Variants in CDHR1 observed in about 807,000 individuals in gnomAD.
CDHR1 encodes the protein cadherin related family member 1, also known as cadherin-related family member 1.
Under a neutral mutation model 72.1 loss-of-function variants are expected in CDHR1, and 61 were observed. The observed-to-expected ratio is 0.85, with a 90% CI of 0.69 to 1.05. The LOEUF (loss-of-function observed/expected upper bound fraction) is 1.05, where lower values mean the gene tolerates loss of function less well. Among genes scored for constraint, CDHR1 ranks in the 50% least tolerant of loss-of-function variants. The pLI, the probability that CDHR1 is intolerant of heterozygous loss-of-function variation, is 0.00. For synonymous variants in CDHR1, 470 were observed against 448.1 expected (o/e 1.05, Z -0.62); for missense variants, 1,186 against 1,115.7 (o/e 1.06, Z -0.90).
chr10:84,196,101 T>G (rs1459837806), intron 2 of CDHR1, among the ~76,000 whole-genome samples: 3 of 152,176 alleles, frequency 2.0e-5, no homozygotes, highest in African/African-American at 7.2e-5. Flanking sequence ...TGGTGCACTG[T>G]GGGTCACCCC....
In CDHR1 at chr10:84,218,600, C is replaced by A; in HGVS notation, c.*3979C>A. On this transcript the variant is annotated 3_prime_UTR_variant, in exon 17 of 17. Transcript: ENST00000623527. The stretch of plus-strand genomic sequence containing the variant: ...AGTCTTCATTTTAAAAGCAAGTAGC[C>A]CTGCTTACAAATGTCTCCTCAATCA... 1.0e-6 allele frequency: 1 copy of A among 985,504 alleles called. No homozygotes were observed. Among genetic ancestry groups the A allele is most frequent in the Non-Finnish European group, 1.2e-6 (1 of 830,008 alleles). The allele number at this position is 985,504 out of a possible 1,614,324, so 61.0% of individuals were successfully genotyped here.
chr10:84,195,966 G>A (rs1165890151), intron 2 of CDHR1, among the ~76,000 whole-genome samples: 2 of 152,214 alleles, frequency 1.3e-5, no homozygotes, highest in Admixed American at 6.5e-5. Flanking sequence ...AGGAGAAAGG[G>A]GAGATTTCAC....
intron 10 of CDHR1, 81 bp from the exon 11 acceptor site, chr10:84,208,093 A>T: frequency 3.2e-6 from 4 of 1,244,286 alleles, no homozygotes; most frequent in Non-Finnish European, 4.7e-6. Flanking sequence ...AGGGGATTAT[A>T]CATTCTGCAG....
At chr10:84,194,901 C>A in intron 1 of CDHR1, 86 bp downstream of exon 1, 1 of 1,273,608 alleles carries the variant, frequency 7.9e-7, no homozygotes, top group Non-Finnish European at 1.1e-6. Flanking sequence ...GGGACATGGT[C>A]CTGGACCACT....
At chr10:84,208,528 G>A in intron 11 of CDHR1, 151 bp downstream of exon 11, 1 of 1,008,858 alleles carries the variant, frequency 9.9e-7, no homozygotes, top group Non-Finnish European at 1.5e-6. Context: ...TAACCAAGGG[G>A]GAGAGGAGGG....
rs750110504 is a variant in CDHR1, at chr10:84,205,836, G to C, written c.872G>C (p.Gly291Ala). ...GCATCTCCCTTGACAGGGAACGATGGAGCCTTTGAAATTAATGAGACATCT... is the reference window on the plus strand; with the variant it reads ...GCATCTCCCTTGACAGGGAACGATGCAGCCTTTGAAATTAATGAGACATCT... ...ILYSLVNGND[G>A]AFEINETSGA... The change falls in exon 10 of 17, where the codon GGA becomes GCA. Residue 291 changes from glycine to alanine, a missense_variant. Gly to Ala is a moderately conservative substitution (Grantham distance 60, BLOSUM62 0). Transcript: ENST00000623527. 1.9e-6 allele frequency: 3 copies of C among 1,613,742 alleles called. No individual in the cohort carries two copies. Among genetic ancestry groups the C allele is most frequent in the Non-Finnish European group, 1.7e-6 (2 of 1,179,774 alleles).
chr10:84,203,826 G>A (rs75310540), intron 8 of CDHR1, among the ~76,000 whole-genome samples: 2,225 of 152,358 alleles, frequency 0.015, 57 homozygotes, highest in African/African-American at 0.05. Flanking sequence ...GGGCTGCAGG[G>A]TGGGCCAGCG....
chr10:84,210,195 G>A (rs1405782470), intron 12 of CDHR1, among the ~76,000 whole-genome samples: 2 of 152,160 alleles, frequency 1.3e-5, no homozygotes, highest in East Asian at 1.9e-4. Flanking sequence ...ACTCCTGCCT[G>A]GAAATAGAGC....
chr10:84,219,505 C>T (rs889967554), downstream of CDHR1: 3 of 545,558 alleles, frequency 5.5e-6, no homozygotes, highest in Admixed American at 1.1e-4. Context: ...CTCTCACCTT[C>T]ATGGTAGCCC....
chr10:84,212,456 C>T, intron 15 of CDHR1, 49 bp downstream of exon 15: 2 of 1,473,606 alleles, frequency 1.4e-6, no homozygotes, highest in South Asian at 1.1e-5. Context: ...GGTCCAGCAG[C>T]TCCAAGAGAT....
Position 84,213,324 on chromosome 10 carries a change from C to G in CDHR1, c.2016C>G (p.Leu672=). ...GSPSFSTTAL[L]KIDITDAETL... Reference sequence around the variant, plus strand: ...CATCCTTCAGCACCACAGCCTTACTCAAGATTGACATCACAGATGCTGAGG... The same window carrying G: ...CATCCTTCAGCACCACAGCCTTACTGAAGATTGACATCACAGATGCTGAGG... The change falls in exon 16 of 17, where the codon CTC becomes CTG. Residue 672 remains leucine (L), a synonymous_variant. Transcript: ENST00000623527. The G allele has an allele frequency of 1.9e-6, 3 of 1,614,192 alleles. No homozygotes were observed. Among genetic ancestry groups the G allele is most frequent in the Non-Finnish European group, 2.5e-6 (3 of 1,180,042 alleles).
chr10:84,196,499 T>C lies in CDHR1; in HGVS notation c.152-6T>C, dbSNP rs541710149. On this transcript the variant is annotated splice_polypyrimidine_tract_variant and splice_region_variant and intron_variant, in intron 2 of 16. Coordinates refer to ENST00000623527, the MANE Select transcript of CDHR1 (RefSeq NM_033100.4). ...TTCTATGTCTCTCCACTGTGTTTCC[T>C]TCCAGGCTCTCACGTATACACCCTG... 1.2e-6 allele frequency: 2 copies of C among 1,614,194 alleles called. No homozygotes were observed. Among genetic ancestry groups the C allele is most frequent in the African/African-American group, 2.7e-5 (2 of 75,060 alleles).
intron 4 of CDHR1, among the ~76,000 whole-genome samples, chr10:84,198,682 A>G (rs1265978660): frequency 1.3e-5 from 2 of 152,220 alleles, no homozygotes; most frequent in Admixed American, 6.5e-5. Context: ...GCGCTGGTGC[A>G]GTGCAGGGGC....
chr10:84,216,755 C>A lies in CDHR1; in HGVS notation c.*2134C>A. 1.0e-6 allele frequency: 1 copy of A among 985,482 alleles called. No individual in the cohort carries two copies. The highest frequency in any genetic ancestry group is 1.2e-6 in the Non-Finnish European group (1 of 829,952). 61.0% of individuals were successfully genotyped at this position (985,482 alleles called of 1,614,324 possible). A position where few individuals can be genotyped will look rare whatever the true frequency, so the allele number is the denominator to read the frequency against. On this transcript the variant is annotated 3_prime_UTR_variant, in exon 17 of 17. Transcript: ENST00000623527. ...GGCCTTGTCTACTGGACTTTTCTCC[C>A]AAACAGGACAAGCCCAGGCAGGGCT...
In CDHR1 at chr10:84,216,887, A is replaced by G. The variant is rs368595579; in HGVS notation, c.*2266A>G. ...TTGGGAGGCCTAGGGTGGGCATGAAAGCTTGGGAAGCACTGTCGTCTCTCA... is the reference window on the plus strand; with the variant it reads ...TTGGGAGGCCTAGGGTGGGCATGAAGGCTTGGGAAGCACTGTCGTCTCTCA... On this transcript the variant is annotated 3_prime_UTR_variant, in exon 17 of 17. Coordinates refer to ENST00000623527, the MANE Select transcript of CDHR1 (RefSeq NM_033100.4). 88 of 985,396 alleles carry G rather than the reference A, an allele frequency of 8.9e-5. No individual in the cohort carries two copies. In the African/African-American group the frequency reaches 1.4e-3, roughly 15 times the overall value. 61.0% of individuals were successfully genotyped at this position (985,396 alleles called of 1,614,324 possible). A position where few individuals can be genotyped will look rare whatever the true frequency, so the allele number is the denominator to read the frequency against.
chr10:84,201,842 C>A lies in CDHR1; in HGVS notation c.561C>A (p.Ser187Arg), dbSNP rs199825352. 2.5e-6 allele frequency: 4 copies of A among 1,610,052 alleles called. No homozygotes were observed. Among genetic ancestry groups the A allele is most frequent in the Non-Finnish European group, 3.4e-6 (4 of 1,180,008 alleles). Residue 187 changes from serine to arginine, a missense_variant, in exon 7 of 17, where the codon AGC becomes AGA. By Grantham distance (110) the Ser-to-Arg change is moderately radical (BLOSUM62 -1). Coordinates refer to ENST00000623527, the MANE Select transcript of CDHR1 (RefSeq NM_033100.4). Reference sequence around the variant, plus strand: ...CCCCATTTGCCGTGGACCGCCACAGCGGTGTGCTGCGCCTCCAGGCTGGGG... The same window carrying A: ...CCCCATTTGCCGTGGACCGCCACAGAGGTGTGCTGCGCCTCCAGGCTGGGG... ...LHSPFAVDRHSGVLRLQAGAT... is the reference protein window; with the variant it reads ...LHSPFAVDRHRGVLRLQAGAT...
chr10:84,219,138 A>G (rs1166353521), downstream of CDHR1: 3 of 1,537,780 alleles, frequency 2.0e-6, no homozygotes, highest in African/African-American at 1.4e-5. Flanking sequence ...AGTCAGTAAG[A>G]AAACCAAAAT....
intron 7 of CDHR1, among the ~76,000 whole-genome samples, chr10:84,202,614 G>T (rs1170513750): frequency 1.3e-5 from 2 of 152,168 alleles, no homozygotes; most frequent in Non-Finnish European, 2.9e-5. Context: ...CCCAAGTCCT[G>T]CTGTTGTGGG....
chr10:84,206,086 G>C (rs1278847498), intron 10 of CDHR1, among the ~76,000 whole-genome samples, 159 bp downstream of exon 10: 1 of 152,144 alleles, frequency 6.6e-6, no homozygotes, highest in East Asian at 1.9e-4. Context: ...TCACAAACAG[G>C]GAGTCACAGA....
Sources: gnomAD v4.1 joint callset for allele counts (sites outside exome capture counted in the v4.1 genomes callset) on GRCh38, gnomAD v4.1.1 for gene constraint, MANE v1.5 for transcripts, NCBI Gene and HGNC (gene_info 2026-07-23, HGNC 2026-07-21) for gene names.